The following TMEM132D variants were observed in gnomAD, a reference collection of about 807,000 sequenced individuals.
TMEM132D encodes transmembrane protein 132D, also known as mature OL transmembrane protein.
TMEM132D carries 21 observed loss-of-function variants against 62.3 expected under a neutral mutation model. That is an observed-to-expected ratio of 0.34 (90% CI 0.24 to 0.49). The LOEUF (loss-of-function observed/expected upper bound fraction) is 0.49. TMEM132D is among the 20% of genes least tolerant of loss of function. The pLI, the probability that TMEM132D is intolerant of heterozygous loss-of-function variation, is 0.99. For synonymous variants in TMEM132D, 621 were observed against 575.6 expected, an observed-to-expected ratio of 1.08 and a Z score of -1.13; for missense variants, 1,346 against 1,402.8, an observed-to-expected ratio of 0.96 and a Z score of 0.65.
intron 4 of TMEM132D, among the ~76,000 whole-genome samples, chr12:129,265,396 G>A (rs1026190954): frequency 2.0e-5 from 3 of 152,198 alleles, no homozygotes; most frequent in Non-Finnish European, 2.9e-5. Context: ...GGCAAAATGT[G>A]GGGCGGATCT....
chr12:129,253,464 C>T (rs1880322178), intron 4 of TMEM132D, among the ~76,000 whole-genome samples: 1 of 152,162 alleles, frequency 6.6e-6, no homozygotes, highest in South Asian at 2.1e-4. Flanking sequence ...AGGTTAATTT[C>T]CAGCCAACCC....
rs141176544 is a variant in TMEM132D at position 129,417,049 on chromosome 12, G to A, written c.1116-79232C>T. Among the ~76,000 whole-genome samples, 1,176 of 152,276 alleles carry A rather than the reference G, an allele frequency of 7.7e-3. 14 individuals carry two copies. The highest frequency in any genetic ancestry group is 0.027 in the African/African-American group (1,113 of 41,540). Reference sequence around the variant, plus strand: ...CTCTGCCAGGTTTTGGTATCAGAATGATGCTGGCTTCATAAAATGAGTTAA... The same window carrying A: ...CTCTGCCAGGTTTTGGTATCAGAATAATGCTGGCTTCATAAAATGAGTTAA... On this transcript the variant is annotated intron_variant, in intron 3 of 8. Transcript: ENST00000422113.
At chr12:129,299,540 A>G (rs1442383343) in intron 4 of TMEM132D, among the ~76,000 whole-genome samples, 1 of 151,716 alleles carries the variant, frequency 6.6e-6, no homozygotes, top group Non-Finnish European at 1.5e-5. Flanking sequence ...ACAGATAGCT[A>G]AGAAAGCCCA....
chr12:129,372,629 C>A (rs1870648820), intron 3 of TMEM132D, among the ~76,000 whole-genome samples: 1 of 151,984 alleles, frequency 6.6e-6, no homozygotes. Context: ...GTTGTTTGCA[C>A]TACAGGGATA....
chr12:129,561,539 G>A lies in TMEM132D; in HGVS notation c.969-30334C>T, dbSNP rs145918502. 1.4e-3 allele frequency among the ~76,000 whole-genome samples: 216 copies of A among 152,296 alleles called. 2 individuals are homozygous for A. The highest frequency in any genetic ancestry group is 2.6e-3 in the Non-Finnish European group (179 of 68,026). ...AATTGGGACTCCCCGAGATAGTGCT[G>A]GAGTTAGAATAATTTATGGAGAGCA... On this transcript the variant is annotated intron_variant, in intron 2 of 8. Coordinates refer to ENST00000422113, the MANE Select transcript of TMEM132D (RefSeq NM_133448.3).
intron 2 of TMEM132D, among the ~76,000 whole-genome samples, chr12:129,559,471 A>G (rs1877154370): frequency 6.6e-6 from 1 of 152,222 alleles, no homozygotes; most frequent in Non-Finnish European, 1.5e-5. Context: ...CAACTCGCCC[A>G]CACAAATGGG....
chr12:129,736,728 G>A (rs1028360243), intron 1 of TMEM132D, among the ~76,000 whole-genome samples: 2 of 151,436 alleles, frequency 1.3e-5, no homozygotes, highest in African/African-American at 4.9e-5. Context: ...TACTTCTTAA[G>A]AGAGAAAGAC....
chr12:129,729,722 A>G (rs1330128471), intron 1 of TMEM132D, among the ~76,000 whole-genome samples: 1 of 152,166 alleles, frequency 6.6e-6, no homozygotes, highest in East Asian at 1.9e-4. Context: ...GTTGTGTTAC[A>G]GTTTACAAGG....
intron 2 of TMEM132D, among the ~76,000 whole-genome samples, chr12:129,696,681 G>A (rs532846937): frequency 1.3e-5 from 2 of 152,318 alleles, no homozygotes; most frequent in South Asian, 2.1e-4. Context: ...CCCATGGCAG[G>A]TAAGTAGAGA....
intron 3 of TMEM132D, among the ~76,000 whole-genome samples, chr12:129,392,054 G>A (rs1267009616): frequency 2.0e-5 from 3 of 151,598 alleles, no homozygotes; most frequent in South Asian, 2.1e-4. Flanking sequence ...ACCATGCCTG[G>A]CCTCAGTATT....
intron 4 of TMEM132D, among the ~76,000 whole-genome samples, chr12:129,268,080 C>G (rs1363917813): frequency 6.6e-6 from 1 of 152,060 alleles, no homozygotes; most frequent in East Asian, 1.9e-4. Flanking sequence ...CCATAAAAAC[C>G]CTAGAAGAAA....
At chr12:129,668,637 A>T (rs1217598313) in intron 2 of TMEM132D, among the ~76,000 whole-genome samples, 2 of 152,190 alleles carry the variant, frequency 1.3e-5, no homozygotes, top group Non-Finnish European at 2.9e-5. Context: ...AGTGAGTAAA[A>T]TATACCCCTG....
In TMEM132D at chr12:129,605,309, C is replaced by T. The variant is rs1466894862; in HGVS notation, c.969-74104G>A. On this transcript the variant is annotated intron_variant, in intron 2 of 8. Transcript: ENST00000422113. ...CACGGTATTGTAGATTGGCTCATTA[C>T]TGACTCATGTCTAAAAGATATATAT... 2.0e-5 allele frequency among the ~76,000 whole-genome samples: 3 copies of T among 152,148 alleles called. No individual in the cohort carries two copies. In the East Asian group the frequency reaches 5.8e-4, roughly 29 times the overall value.
At chr12:129,771,895 A>T (rs1430517320) in intron 1 of TMEM132D, among the ~76,000 whole-genome samples, 1 of 152,252 alleles carries the variant, frequency 6.6e-6, no homozygotes, top group Non-Finnish European at 1.5e-5. Flanking sequence ...AAGCTCTATG[A>T]AGTCAGTACT....
intron 5 of TMEM132D, among the ~76,000 whole-genome samples, chr12:129,165,277 G>T (rs2135543259): frequency 6.6e-6 from 1 of 152,306 alleles, no homozygotes; most frequent in South Asian, 2.1e-4. Flanking sequence ...ACATCTGGAT[G>T]ACTGTTTGGG....
chr12:129,450,794 T>A lies in TMEM132D; in HGVS notation c.1115+80265A>T, dbSNP rs1328911800. ...TTTTTTGAAACAGAGTCTCACTCTG[T>A]CGCCCAGGCTGGAGTGCAGTGCTGC... On this transcript the variant is annotated intron_variant, in intron 3 of 8. Coordinates refer to ENST00000422113, the MANE Select transcript of TMEM132D (RefSeq NM_133448.3). Among the ~76,000 whole-genome samples, 4 of 140,362 alleles carry A rather than the reference T, an allele frequency of 2.8e-5. No individual in the cohort carries two copies. In the East Asian group the frequency reaches 8.8e-4, roughly 31 times the overall value. 92.1% of individuals were successfully genotyped at this position (140,362 alleles called of 152,430 possible). A position where few individuals can be genotyped will look rare whatever the true frequency, so the allele number is the denominator to read the frequency against.
At chr12:129,146,098 C>T (rs1018946577) in intron 5 of TMEM132D, among the ~76,000 whole-genome samples, 4 of 151,172 alleles carry the variant, frequency 2.6e-5, no homozygotes, top group Non-Finnish European at 2.9e-5. Context: ...TCTCTCGTAG[C>T]GAGAACTTTT....
chr12:129,868,517 C>A (rs1447901947), intron 1 of TMEM132D, among the ~76,000 whole-genome samples: 1 of 152,192 alleles, frequency 6.6e-6, no homozygotes, highest in Non-Finnish European at 1.5e-5. Flanking sequence ...AAGACATAAT[C>A]GTGAGTCGAG....
intron 4 of TMEM132D, among the ~76,000 whole-genome samples, chr12:129,310,464 C>G (rs932030914): frequency 1.3e-5 from 2 of 152,142 alleles, no homozygotes; most frequent in African/African-American, 4.8e-5. Flanking sequence ...CCAAGGGGAC[C>G]TTGCAGAGAG....
Sources: gnomAD v4.1 joint callset for allele counts (sites outside exome capture counted in the v4.1 genomes callset) on GRCh38, gnomAD v4.1.1 for gene constraint, MANE v1.5 for transcripts, NCBI Gene and HGNC (gene_info 2026-07-23, HGNC 2026-07-21) for gene names.